Variants in SLIT1 observed in about 807,000 individuals in gnomAD.
The protein encoded by SLIT1 is slit guidance ligand 1.
Under a neutral mutation model 186.1 loss-of-function variants are expected in SLIT1, and 66 were observed. The ratio of observed to expected loss-of-function variants is 0.35; its 90% confidence interval spans 0.29 to 0.44. The LOEUF (loss-of-function observed/expected upper bound fraction) is 0.44, where lower values mean the gene tolerates loss of function less well. Ranked by LOEUF, SLIT1 falls within the 20% of genes least tolerant of loss-of-function variation. The pLI is 1.00. For synonymous variants in SLIT1, 761 were observed against 833.8 expected (o/e 0.91, Z 1.50); for missense variants, 1,638 against 2,037.4 (o/e 0.80, Z 3.77).
intron 30 of SLIT1, among the ~76,000 whole-genome samples, chr10:97,013,159 C>T (rs893947189): frequency 2.0e-5 from 3 of 152,114 alleles, no homozygotes; most frequent in South Asian, 4.1e-4. Context: ...GAGGCAGCCC[C>T]GTAATCAGAC....
At chr10:97,163,596 C>A in intron 2 of SLIT1, 145 bp from the exon 3 acceptor site, 1 of 720,220 alleles carries the variant, frequency 1.4e-6, no homozygotes, top group South Asian at 1.6e-5. Flanking sequence ...AAGCCTCACA[C>A]AGGCCTATGC....
At chr10:97,073,251 C>T (rs1371588916) in intron 4 of SLIT1, among the ~76,000 whole-genome samples, 1 of 152,192 alleles carries the variant, frequency 6.6e-6, no homozygotes, top group East Asian at 1.9e-4. Flanking sequence ...AGCCTTTCCC[C>T]ATCAGTTTTC....
chr10:97,115,756 C>T (rs1005099313), intron 4 of SLIT1, among the ~76,000 whole-genome samples: 3 of 152,178 alleles, frequency 2.0e-5, no homozygotes, highest in Middle Eastern at 3.2e-3. Flanking sequence ...ATGAGCCACC[C>T]GGCCTTCTCA....
chr10:97,118,877 G>A (rs1407092877), intron 4 of SLIT1, among the ~76,000 whole-genome samples: 1 of 152,222 alleles, frequency 6.6e-6, no homozygotes, highest in African/African-American at 2.4e-5. Flanking sequence ...CTGGGATATA[G>A]TAAGTGCCCA....
chr10:97,170,130 G>C, intron 1 of SLIT1, among the ~76,000 whole-genome samples: 1 of 152,336 alleles, frequency 6.6e-6, no homozygotes, highest in African/African-American at 2.4e-5. Flanking sequence ...CGGCTCCCCC[G>C]CCAGGCTGAG....
At position 97,185,922 on chromosome 10, in the gene SLIT1, C is replaced by G. The variant is rs1171989773; in HGVS notation, c.-248G>C. 4.1e-6 allele frequency: 2 copies of G among 486,664 alleles called. No homozygotes were observed. The highest frequency in any genetic ancestry group is 8.7e-5 in the Admixed American group (2 of 23,004). The allele number at this position is 486,664 out of a possible 1,614,324, so 30.1% of individuals were successfully genotyped here. A position where few individuals can be genotyped will look rare whatever the true frequency, so the allele number is the denominator to read the frequency against. ...GCCGTTTCGCCGCCTGCGTCTCCCT[C>G]TCCCTCCCTCCAGCTCCCAACTGAC... On this transcript the variant is annotated 5_prime_UTR_variant, in exon 1 of 37. Transcript: ENST00000266058.
chr10:97,124,645 A>C (rs1336258), intron 4 of SLIT1, among the ~76,000 whole-genome samples: 22,429 of 152,020 alleles, frequency 0.15, 2,085 homozygotes, highest in African/African-American at 0.25. Flanking sequence ...TCTTGAAGGT[A>C]CCCCCATGTT....
chr10:97,097,907 T>C (rs1849308486), intron 4 of SLIT1, among the ~76,000 whole-genome samples: 1 of 152,254 alleles, frequency 6.6e-6, no homozygotes, highest in Non-Finnish European at 1.5e-5. Flanking sequence ...GTTTGCTTTG[T>C]TCAGAGTGCT....
chr10:97,185,404 C>A, intron 1 of SLIT1, 74 bp downstream of exon 1: 2 of 1,470,146 alleles, frequency 1.4e-6, no homozygotes, highest in South Asian at 1.2e-5. Context: ...TGCCCCCACC[C>A]CCAAGTCCGG....
At chr10:97,152,868 C>T (rs1849896664) in intron 4 of SLIT1, among the ~76,000 whole-genome samples, 1 of 152,162 alleles carries the variant, frequency 6.6e-6, no homozygotes, top group Non-Finnish European at 1.5e-5. Flanking sequence ...ACACATGTAT[C>T]TGCATTACTT....
intron 4 of SLIT1, among the ~76,000 whole-genome samples, chr10:97,115,804 T>C (rs1849503717): frequency 6.6e-6 from 1 of 152,222 alleles, no homozygotes; most frequent in African/African-American, 2.4e-5. Flanking sequence ...CCCTTCCTTC[T>C]GAGGAGCCAA....
At chr10:97,037,670 C>T in intron 22 of SLIT1, 28 bp downstream of exon 22, 1 of 1,586,544 alleles carries the variant, frequency 6.3e-7, no homozygotes. Context: ...CAAAGGCCCT[C>T]CTGTCCTCAA....
At chr10:97,175,907 A>T (rs1224333576) in intron 1 of SLIT1, among the ~76,000 whole-genome samples, 1 of 152,164 alleles carries the variant, frequency 6.6e-6, no homozygotes, top group East Asian at 1.9e-4. Flanking sequence ...AGCCTGCAAC[A>T]TGGGTGCACC....
At chr10:97,009,333 C>G (rs990020224) in intron 31 of SLIT1, among the ~76,000 whole-genome samples, 2 of 152,174 alleles carry the variant, frequency 1.3e-5, no homozygotes, top group Non-Finnish European at 2.9e-5. Context: ...CCAGAAATAT[C>G]CTTACATTTA....
intron 4 of SLIT1, among the ~76,000 whole-genome samples, chr10:97,095,321 C>T (rs1162401242): frequency 6.6e-6 from 1 of 152,222 alleles, no homozygotes; most frequent in Non-Finnish European, 1.5e-5. Context: ...CCCAATTAAA[C>T]TGCATCCATG....
chr10:97,012,924 T>C (rs900826616), intron 30 of SLIT1, among the ~76,000 whole-genome samples: 1 of 152,214 alleles, frequency 6.6e-6, no homozygotes, highest in Admixed American at 6.5e-5. Flanking sequence ...TGAGACTACG[T>C]TTGCACAACT....
At chr10:97,086,759 T>C (rs1305189383) in intron 4 of SLIT1, among the ~76,000 whole-genome samples, 1 of 151,840 alleles carries the variant, frequency 6.6e-6, no homozygotes, top group Non-Finnish European at 1.5e-5. Context: ...GTGTGAGAGA[T>C]GGATGAATAC....
intron 25 of SLIT1, among the ~76,000 whole-genome samples, chr10:97,024,419 C>T (rs926440704): frequency 2.6e-5 from 4 of 152,176 alleles, no homozygotes; most frequent in Non-Finnish European, 4.4e-5. Context: ...AGGGAGAAGA[C>T]AGACAAGCAC....
chr10:97,162,208 A>G (rs1318817481), intron 3 of SLIT1, among the ~76,000 whole-genome samples: 2 of 152,226 alleles, frequency 1.3e-5, no homozygotes, highest in African/African-American at 4.8e-5. Flanking sequence ...TTTTCCATTT[A>G]ACATTATATT....
Sources: gnomAD v4.1 joint callset for allele counts (sites outside exome capture counted in the v4.1 genomes callset) on GRCh38, gnomAD v4.1.1 for gene constraint, MANE v1.5 for transcripts, NCBI Gene and HGNC (gene_info 2026-07-23, HGNC 2026-07-21) for gene names.